HUNK: variants seen among roughly 807,000 people sequenced by gnomAD.
HUNK encodes the protein hormonally up-regulated neu tumor-associated kinase.
In HUNK, 21 loss-of-function variants were observed where a neutral mutation model predicts 61.0. The ratio of observed to expected loss-of-function variants is 0.34; its 90% confidence interval spans 0.24 to 0.50. The LOEUF (loss-of-function observed/expected upper bound fraction) is 0.50, where lower values mean the gene tolerates loss of function less well. Ranked by LOEUF, HUNK falls within the 20% of genes least tolerant of loss-of-function variation. HUNK has a pLI of 0.98. For synonymous variants in HUNK, 371 were observed against 386.1 expected (o/e 0.96, Z 0.46); for missense variants, 772 against 945.7 (o/e 0.82, Z 2.41).
chr21:31,948,657 G>A (rs79622559), intron 4 of HUNK, among the ~76,000 whole-genome samples: 7,521 of 151,558 alleles, frequency 0.05, 608 homozygotes, highest in African/African-American at 0.17. Flanking sequence ...AAGGAAGGAC[G>A]GAGGGAGGGA....
intron 1 of HUNK, among the ~76,000 whole-genome samples, chr21:31,876,475 T>G (rs2052263152): frequency 6.6e-6 from 1 of 152,220 alleles, no homozygotes; most frequent in Non-Finnish European, 1.5e-5. Context: ...AATGGTTGTG[T>G]GTGTATGCTT....
At chr21:31,962,204 G>A (rs1208465167) in intron 5 of HUNK, among the ~76,000 whole-genome samples, 2 of 152,226 alleles carry the variant, frequency 1.3e-5, no homozygotes, top group Admixed American at 6.5e-5. Context: ...AGAGAATGGG[G>A]CAGTGCAACC....
intron 1 of HUNK, among the ~76,000 whole-genome samples, chr21:31,896,760 G>A (rs1261648673): frequency 2.0e-5 from 3 of 152,178 alleles, no homozygotes; most frequent in African/African-American, 7.2e-5. Flanking sequence ...ATTGTTTGTA[G>A]GATATTGACA....
intron 8 of HUNK, among the ~76,000 whole-genome samples, 154 bp downstream of exon 8, chr21:31,983,763 C>T (rs567388505): frequency 2.5e-4 from 38 of 152,296 alleles, no homozygotes; most frequent in Non-Finnish European, 4.0e-4. Flanking sequence ...TGGTTTACAG[C>T]GGAACCAGCT....
intron 1 of HUNK, among the ~76,000 whole-genome samples, chr21:31,880,451 T>G (rs1438147889): frequency 6.6e-6 from 1 of 152,188 alleles, no homozygotes; most frequent in South Asian, 2.1e-4. Flanking sequence ...CTTCCTTGCC[T>G]CTTACTAGCT....
intron 1 of HUNK, among the ~76,000 whole-genome samples, chr21:31,912,002 G>A (rs187787342): frequency 2.0e-5 from 3 of 152,270 alleles, no homozygotes; most frequent in African/African-American, 4.8e-5. Context: ...AGAGCTGCTC[G>A]GTCTCCTCGT....
At chr21:31,927,896 A>G (rs1355585661) in intron 2 of HUNK, among the ~76,000 whole-genome samples, 1 of 152,184 alleles carries the variant, frequency 6.6e-6, no homozygotes, top group Non-Finnish European at 1.5e-5. Context: ...ACCTCTTCAC[A>G]TACGTATTCT....
chr21:31,933,317 A>G (rs113772033), intron 2 of HUNK, among the ~76,000 whole-genome samples: 4,725 of 152,182 alleles, frequency 0.031, 86 homozygotes, highest in Middle Eastern at 0.054. Context: ...CATCTATCCC[A>G]GGGCCATTCT....
At chr21:31,895,097 A>G (rs1249669441) in intron 1 of HUNK, among the ~76,000 whole-genome samples, 3 of 152,202 alleles carry the variant, frequency 2.0e-5, no homozygotes, top group Non-Finnish European at 4.4e-5. Flanking sequence ...CTTGTTCTGT[A>G]AGAGAAAGAG....
chr21:31,979,088 A>C (rs963320299), intron 7 of HUNK, among the ~76,000 whole-genome samples: 1 of 148,646 alleles, frequency 6.7e-6, no homozygotes, highest in African/African-American at 2.5e-5. Context: ...GGTGATGTTG[A>C]GCATACCTAT....
chr21:31,983,614 G>A lies in HUNK; in HGVS notation c.1257+5G>A. The A allele has an allele frequency of 2.5e-6, 4 of 1,606,850 alleles. No homozygotes were observed. The highest frequency in any genetic ancestry group is 3.4e-6 in the Non-Finnish European group (4 of 1,174,086). ...GCCCCCAAGGAGTCCTATGAGGTGAGTGACCCCTGAAGCAAACCTCAGGGT... is the reference window on the plus strand; with the variant it reads ...GCCCCCAAGGAGTCCTATGAGGTGAATGACCCCTGAAGCAAACCTCAGGGT... On this transcript the variant is annotated splice_donor_5th_base_variant and intron_variant, in intron 8 of 10. Transcript: ENST00000270112.
chr21:31,909,301 T>C (rs770512864), intron 1 of HUNK, among the ~76,000 whole-genome samples: 1 of 152,186 alleles, frequency 6.6e-6, no homozygotes, highest in Non-Finnish European at 1.5e-5. Flanking sequence ...GTTTCTAGTC[T>C]CTCACCAGCA....
chr21:31,934,277 A>C (rs1317340245), intron 2 of HUNK, among the ~76,000 whole-genome samples: 1 of 151,786 alleles, frequency 6.6e-6, no homozygotes, highest in Non-Finnish European at 1.5e-5. Flanking sequence ...TCCTGTCTCT[A>C]CTAAAAATAC....
intron 1 of HUNK, among the ~76,000 whole-genome samples, chr21:31,905,481 G>A (rs1030367967): frequency 6.6e-6 from 1 of 152,182 alleles, no homozygotes; most frequent in Admixed American, 6.5e-5. Context: ...AAGGAGTCAA[G>A]GCCGGCATCT....
chr21:31,974,461 A>G lies in HUNK; in HGVS notation c.1011-94A>G, dbSNP rs1023519403. 11 of 1,159,212 alleles carry G rather than the reference A, an allele frequency of 9.5e-6. No individual in the cohort carries two copies. In the African/African-American group the frequency reaches 1.6e-4, roughly 16 times the overall value. The allele number at this position is 1,159,212 out of a possible 1,614,324, so 71.8% of individuals were successfully genotyped here. On this transcript the variant is annotated intron_variant, in intron 6 of 10. Coordinates refer to ENST00000270112, the MANE Select transcript of HUNK (RefSeq NM_014586.2). ...AAAAACTCAAGTCAGTGAATGAATG[A>G]GTGAATGAATGAAGCTGATTGTGCC... is the stretch of plus-strand genomic sequence containing the variant.
At chr21:31,974,223 G>T (rs11911324) in intron 6 of HUNK, 4,601 of 180,560 alleles carry the variant, frequency 0.025, 225 homozygotes, top group African/African-American at 0.1. Flanking sequence ...TATGTTGATG[G>T]TATTGCGGTT....
At chr21:31,929,232 T>C (rs2052680863) in intron 2 of HUNK, among the ~76,000 whole-genome samples, 1 of 151,834 alleles carries the variant, frequency 6.6e-6, no homozygotes. Context: ...ACAATAAATA[T>C]GACAAGTAGG....
rs1279601475 is a variant in HUNK, at chr21:31,942,871, G to A, written c.610+2651G>A. Among the ~76,000 whole-genome samples, 20 of 78,166 alleles carry A rather than the reference G, an allele frequency of 2.6e-4. No homozygotes were observed. In the East Asian group the frequency reaches 6.1e-3, roughly 24 times the overall value. 51.3% of individuals were successfully genotyped at this position (78,166 alleles called of 152,430 possible). On this transcript the variant is annotated intron_variant, in intron 3 of 10. Transcript: ENST00000270112. The stretch of plus-strand genomic sequence containing the variant: ...AGGAACCCTACCTCATACCTGCCCC[G>A]AGAGAGACCTTAGACCACACCTGAG...
intron 2 of HUNK, among the ~76,000 whole-genome samples, chr21:31,928,455 C>T (rs1415630833): frequency 6.6e-6 from 1 of 152,174 alleles, no homozygotes; most frequent in African/African-American, 2.4e-5. Flanking sequence ...GTTTTGATAG[C>T]AAAGACGGTA....
Sources: allele counts gnomAD v4.1 joint callset (sites outside exome capture counted in the v4.1 genomes callset), GRCh38; gene constraint gnomAD v4.1.1; transcripts MANE v1.5; gene names NCBI Gene and HGNC (gene_info 2026-07-23, HGNC 2026-07-21).